The following SEC31B variants were observed in gnomAD, a reference collection of about 807,000 sequenced individuals.
SEC31B encodes protein transport protein Sec31B.
In SEC31B, 113 loss-of-function variants were observed where a neutral mutation model predicts 135.0. That is an observed-to-expected ratio of 0.84 (90% CI 0.72 to 0.98). The LOEUF is 0.98. Ranked by LOEUF, SEC31B falls within the 50% of genes least tolerant of loss-of-function variation. The pLI, the probability that SEC31B is intolerant of heterozygous loss-of-function variation, is 0.00. For missense variants in SEC31B, 1,296 were observed against 1,421.1 expected (o/e 0.91, Z 1.42); for synonymous variants, 508 against 549.4 (o/e 0.92, Z 1.05).
intron 3 of SEC31B, among the ~76,000 whole-genome samples, 185 bp downstream of exon 3, chr10:100,515,911 G>GA (rs1373005115): frequency 7.0e-6 from 1 of 143,688 alleles, no homozygotes; most frequent in East Asian, 2.0e-4. Context: ...CTGCTGACTG[G>GA]AAAGGGGGGG....
chr10:100,499,516 C>T lies in SEC31B; in HGVS notation c.1485+8G>A, dbSNP rs1317526958. 6.3e-7 allele frequency: 1 copy of T among 1,598,394 alleles called. No homozygotes were observed. The highest frequency in any genetic ancestry group is 8.5e-7 in the Non-Finnish European group (1 of 1,171,536). ...AAGTACATGTTTCTGATGTGAAAAG[C>T]AGCTTACCTTCTTCTGAAGCTCATC... On this transcript the variant is annotated splice_region_variant and intron_variant, in intron 12 of 25. Coordinates refer to ENST00000370345, the MANE Select transcript of SEC31B (RefSeq NM_015490.4).
rs931887758 is a variant in SEC31B at position 100,517,052 on chromosome 10, A to G, written c.-45-55T>C. ...CCAGATCCAGGGAGCATCTGCGGAC[A>G]AGAGTTCTTGTTTGTCTTTCTCCAT... On this transcript the variant is annotated intron_variant, in intron 1 of 25. Transcript: ENST00000370345. 14 of 851,188 alleles carry G rather than the reference A, an allele frequency of 1.6e-5. No individual in the cohort carries two copies. In the Admixed American group the frequency reaches 2.6e-4, roughly 16 times the overall value. 52.7% of individuals were successfully genotyped at this position (851,188 alleles called of 1,614,324 possible).
Position 100,505,632 on chromosome 10 carries a change from G to C in SEC31B, c.1045-137C>G, listed in dbSNP as rs1589737536. The C allele has an allele frequency of 2.8e-6, 4 of 1,442,926 alleles. No individual in the cohort carries two copies. In the African/African-American group the frequency reaches 5.7e-5, roughly 21 times the overall value. 89.4% of individuals were successfully genotyped at this position (1,442,926 alleles called of 1,614,324 possible). Reference sequence around the variant, plus strand: ...AAGGTCAGACTCCCATATTCCAGGGGATGGGGAAGTGAGTGGTAGCGAGGG... The same window carrying C: ...AAGGTCAGACTCCCATATTCCAGGGCATGGGGAAGTGAGTGGTAGCGAGGG... On this transcript the variant is annotated intron_variant, in intron 9 of 25. Coordinates refer to ENST00000370345, the MANE Select transcript of SEC31B (RefSeq NM_015490.4).
At chr10:100,489,436 G>C (rs1012590533) in intron 22 of SEC31B, 38 bp from the exon 23 acceptor site, 2 of 1,607,192 alleles carry the variant, frequency 1.2e-6, no homozygotes, top group East Asian at 2.2e-5. Context: ...TCTAACCTGA[G>C]AGACTCCATG....
chr10:100,489,200 C>A, intron 23 of SEC31B, 52 bp downstream of exon 23: 1 of 1,550,512 alleles, frequency 6.4e-7, no homozygotes, highest in Admixed American at 2.1e-5. Context: ...GACCTGCACC[C>A]AAGGAGGGCT....
At position 100,487,774 on chromosome 10, in the gene SEC31B, C is replaced by G. The variant is rs777423287; in HGVS notation, c.3382G>C (p.Gly1128Arg). The G allele has an allele frequency of 6.2e-7, 1 of 1,614,068 alleles. No individual in the cohort carries two copies. The highest frequency in any genetic ancestry group is 1.1e-5 in the South Asian group (1 of 91,056). The change falls in exon 26 of 26, where the codon GGG becomes CGG. Residue 1128 changes from glycine to arginine, a missense_variant. Coordinates refer to ENST00000370345, the MANE Select transcript of SEC31B (RefSeq NM_015490.4). ...ACACATCGGGCAACCTCATGGAGCC[C>G]AGCCACGACATGAGGTGAGAGCTGT... The part of the protein sequence containing the change: ...EGTLSPHVVA[G>R]LHEVARCVDA...
chr10:100,515,514 C>CA (rs1851815481), intron 3 of SEC31B, among the ~76,000 whole-genome samples: 1 of 152,154 alleles, frequency 6.6e-6, no homozygotes, highest in Admixed American at 6.5e-5. Flanking sequence ...CCTAGCTTCT[C>CA]AGAGTTTCAG....
chr10:100,509,215 G>A, intron 4 of SEC31B, 101 bp downstream of exon 4: 1 of 1,491,018 alleles, frequency 6.7e-7, no homozygotes, highest in Non-Finnish European at 9.3e-7. Context: ...AAACAGCCTG[G>A]AAAGGGGTCA....
chr10:100,497,296 A>G lies in SEC31B; in HGVS notation c.1991-16T>C. On this transcript the variant is annotated splice_polypyrimidine_tract_variant and intron_variant, in intron 16 of 25. Coordinates refer to ENST00000370345, the MANE Select transcript of SEC31B (RefSeq NM_015490.4). ...CCCAGCATGTCTGCAGAGAGAGGGT[A>G]ATTTCATTAATGGCACAGCTGCCCT... is the stretch of plus-strand genomic sequence containing the variant. 6 of 1,610,982 alleles carry G rather than the reference A, an allele frequency of 3.7e-6. No individual in the cohort carries two copies. The highest frequency in any genetic ancestry group is 5.1e-6 in the Non-Finnish European group (6 of 1,177,488).
intron 1 of SEC31B, among the ~76,000 whole-genome samples, chr10:100,518,503 A>G (rs977402407): frequency 6.6e-5 from 10 of 152,172 alleles, no homozygotes; most frequent in African/African-American, 2.4e-4. Context: ...GCTCCATGAG[A>G]GCTGACACTG....
At position 100,497,777 on chromosome 10, in the gene SEC31B, A is replaced by C; in HGVS notation, c.1880T>G (p.Val627Gly). 2 of 1,614,224 alleles carry C rather than the reference A, an allele frequency of 1.2e-6. No homozygotes were observed. The highest frequency in any genetic ancestry group is 1.7e-6 in the Non-Finnish European group (2 of 1,180,036). Residue 627 changes from valine (V) to glycine (G), a missense_variant, in exon 16 of 26, where the codon GTG becomes GGG. By Grantham distance (109) the Val-to-Gly change is moderately radical. Coordinates refer to ENST00000370345, the MANE Select transcript of SEC31B (RefSeq NM_015490.4). ...CACCACATCCTTCCAATTCTTTTGC[A>C]CAACACAGGCTAGAAGCTGTAATGG... ...TKISSLLACV[V>G]QKNWKDVVCT...
intron 9 of SEC31B, 67 bp downstream of exon 9, chr10:100,505,973 A>G (rs1851621988): frequency 2.5e-6 from 4 of 1,604,368 alleles, no homozygotes; most frequent in African/African-American, 1.3e-5. Flanking sequence ...TTCTCAAGCC[A>G]TATGTCTCTC....
chr10:100,508,187 C>A (rs190561826), intron 5 of SEC31B, 136 bp from the exon 6 acceptor site: 72 of 1,059,298 alleles, frequency 6.8e-5, no homozygotes, highest in Non-Finnish European at 9.2e-5. Context: ...GACAGTGTTG[C>A]GAAGCTGGGA....
In SEC31B at chr10:100,490,787, T is replaced by C. The variant is rs759442440; in HGVS notation, c.2569A>G (p.Arg857Gly). Residue 857 changes from arginine (R) to glycine (G), a missense_variant, in exon 20 of 26, where the codon AGG (arginine) becomes GGG (glycine). By Grantham distance (125) the Arg-to-Gly change is moderately radical. Coordinates refer to ENST00000370345, the MANE Select transcript of SEC31B (RefSeq NM_015490.4). The part of the protein sequence containing the change: ...PSHPSPYQGP[R>G]TQNISDYRAP... ...CTGTAGTCACTTATATTCTGTGTCCTGGGACCCTGATAAGGGCTAGGATGG... is the reference window on the plus strand; with the variant it reads ...CTGTAGTCACTTATATTCTGTGTCCCGGGACCCTGATAAGGGCTAGGATGG... 7 of 1,611,414 alleles carry C rather than the reference T, an allele frequency of 4.3e-6. No individual in the cohort carries two copies. The South Asian group carries it at 7.7e-5, about 18-fold the overall frequency.
At chr10:100,510,639 A>C (rs1237082907) in intron 3 of SEC31B, among the ~76,000 whole-genome samples, 3 of 152,232 alleles carry the variant, frequency 2.0e-5, no homozygotes, top group Non-Finnish European at 4.4e-5. Flanking sequence ...AACTGCAAAG[A>C]AATATTCCCT....
At position 100,502,299 on chromosome 10, in the gene SEC31B, C is replaced by T. The variant is rs1374522366; in HGVS notation, c.1365G>A (p.Gln455=). 6 of 1,614,196 alleles carry T rather than the reference C, an allele frequency of 3.7e-6. No individual in the cohort carries two copies. The highest frequency in any genetic ancestry group is 5.1e-6 in the Non-Finnish European group (6 of 1,180,042). The change falls in exon 11 of 26, where the codon CAG becomes CAA. Residue 455 remains glutamine (Q), a synonymous_variant. Transcript: ENST00000370345. The part of the protein sequence containing the change: ...NLLNYCQNKS[Q]QALLQSEKML... ...TCTTTTCACTTTGCAGTAAAGCTTG[C>T]TGGCTCTTGTTCTGACAGTAATTCA...
chr10:100,518,992 C>T (rs1359431890), intron 1 of SEC31B, among the ~76,000 whole-genome samples: 1 of 152,138 alleles, frequency 6.6e-6, no homozygotes, highest in East Asian at 1.9e-4. Context: ...AAAATAGGAG[C>T]TGCGATAAGC....
intron 3 of SEC31B, 22 bp downstream of exon 3, chr10:100,516,074 C>T (rs1483975202): frequency 1.2e-6 from 2 of 1,613,594 alleles, no homozygotes; most frequent in Non-Finnish European, 8.5e-7. Flanking sequence ...CCCTGTATAC[C>T]CATCAATAGA....
chr10:100,499,689 C>T (rs1851480746), intron 11 of SEC31B, 91 bp from the exon 12 acceptor site: 1 of 910,822 alleles, frequency 1.1e-6, no homozygotes, highest in East Asian at 2.4e-5. Flanking sequence ...GCCAGTATAC[C>T]CAATATAGTT....
Sources: allele counts gnomAD v4.1 joint callset (sites outside exome capture counted in the v4.1 genomes callset), GRCh38; gene constraint gnomAD v4.1.1; transcripts MANE v1.5; gene names NCBI Gene and HGNC (gene_info 2026-07-23, HGNC 2026-07-21).